LOC128462377: variants seen among roughly 807,000 people sequenced by gnomAD.
At chr16:89,361,024 CA>C in the LOC128462377 span, among the ~76,000 whole-genome samples, 20 of 152,308 alleles carry the variant, frequency 1.3e-4, no homozygotes, top group African/African-American at 4.8e-4. Flanking sequence ...TGAACGACTC[CA>C]AACCTGGGCA....
At chr16:89,352,712 C>T in the LOC128462377 span, among the ~76,000 whole-genome samples, 1 of 152,226 alleles carries the variant, frequency 6.6e-6, no homozygotes. Context: ...TTATTGAAGC[C>T]TCAGCTGGGT....
chr16:89,384,447 G>A, the LOC128462377 span, among the ~76,000 whole-genome samples: 5 of 152,184 alleles, frequency 3.3e-5, no homozygotes, highest in South Asian at 2.1e-4. Flanking sequence ...AGAGCAGAAC[G>A]GGATGGGATG....
At chr16:89,397,189 C>T in the LOC128462377 span, among the ~76,000 whole-genome samples, 4 of 152,160 alleles carry the variant, frequency 2.6e-5, no homozygotes, top group African/African-American at 7.2e-5. Flanking sequence ...CCACGTCCAA[C>T]GGCGTCTCAC....
chr16:89,385,430 A>G, the LOC128462377 span, among the ~76,000 whole-genome samples: 1 of 152,162 alleles, frequency 6.6e-6, no homozygotes, highest in African/African-American at 2.4e-5. Flanking sequence ...GACCCAGCAG[A>G]CAGAAATGGT....
chr16:89,378,549 C>G, the LOC128462377 span, among the ~76,000 whole-genome samples: 1 of 152,180 alleles, frequency 6.6e-6, no homozygotes, highest in African/African-American at 2.4e-5. Context: ...TGCTATAAGG[C>G]TACAGATACA....
chr16:89,391,917 C>T, the LOC128462377 span, among the ~76,000 whole-genome samples: 19 of 152,298 alleles, frequency 1.2e-4, no homozygotes, highest in African/African-American at 3.9e-4. Context: ...AAATATCTGC[C>T]CTGGCATGCT....
chr16:89,385,943 A>C, the LOC128462377 span, among the ~76,000 whole-genome samples: 1 of 152,250 alleles, frequency 6.6e-6, no homozygotes, highest in Non-Finnish European at 1.5e-5. Flanking sequence ...TGCCAAACTT[A>C]GCACACAGCG....
At chr16:89,324,743 A>G in the LOC128462377 span, 1 of 322,730 alleles carries the variant, frequency 3.1e-6, no homozygotes, top group South Asian at 2.4e-5. Flanking sequence ...GTGGTTTGCC[A>G]GGGGTTCTTG....
chr16:89,353,350 AAGAGAGAGAGAG>A, the LOC128462377 span, among the ~76,000 whole-genome samples: 700 of 149,558 alleles, frequency 4.7e-3, 4 homozygotes, highest in African/African-American at 0.016. Flanking sequence ...TCCAAAAAAA[AAGAGAGAGAGAG>A]AGAGAGAGAG....
At chr16:89,327,019 G>C in the LOC128462377 span, among the ~76,000 whole-genome samples, 5 of 151,650 alleles carry the variant, frequency 3.3e-5, no homozygotes, top group Non-Finnish European at 5.9e-5. Context: ...GAATGCAGAG[G>C]TGGGGAATGC....
the LOC128462377 span, among the ~76,000 whole-genome samples, chr16:89,364,914 T>C: frequency 1.3e-5 from 2 of 152,256 alleles, no homozygotes; most frequent in Non-Finnish European, 2.9e-5. Flanking sequence ...GAATGCTGAA[T>C]ACCTGTGAGA....
chr16:89,416,939 C>CT, the LOC128462377 span, among the ~76,000 whole-genome samples: 128 of 152,212 alleles, frequency 8.4e-4, no homozygotes, highest in African/African-American at 2.9e-3. Flanking sequence ...CATGGCACCC[C>CT]TTTTATCACA....
At chr16:89,338,205 T>G in the LOC128462377 span, among the ~76,000 whole-genome samples, 1 of 151,358 alleles carries the variant, frequency 6.6e-6, no homozygotes, top group African/African-American at 2.4e-5. Flanking sequence ...TGCCGGGGGG[T>G]GGGACCTCTG....
chr16:89,388,295 T>C, the LOC128462377 span, among the ~76,000 whole-genome samples: 10 of 121,802 alleles, frequency 8.2e-5, no homozygotes, highest in East Asian at 2.0e-3. Flanking sequence ...TGAGGCTGAT[T>C]TTTTTTTTTT....
the LOC128462377 span, among the ~76,000 whole-genome samples, chr16:89,372,165 G>A: frequency 1.3e-5 from 2 of 152,316 alleles, no homozygotes; most frequent in South Asian, 2.1e-4. Context: ...AAGGACCGGC[G>A]CCCACTCCCA....
the LOC128462377 span, among the ~76,000 whole-genome samples, chr16:89,415,430 A>G: frequency 3.3e-5 from 5 of 150,132 alleles, no homozygotes; most frequent in African/African-American, 1.2e-4. Flanking sequence ...ATGCCCGGCT[A>G]ATTTTTTGTA....
the LOC128462377 span, among the ~76,000 whole-genome samples, chr16:89,376,219 A>G: frequency 5.6e-4 from 86 of 152,348 alleles, 3 homozygotes; most frequent in Admixed American, 5.4e-3. Flanking sequence ...CTGATTCCAG[A>G]AAAGTGAAGC....
chr16:89,336,063 C>T, the LOC128462377 span, among the ~76,000 whole-genome samples: 1 of 152,224 alleles, frequency 6.6e-6, no homozygotes, highest in Non-Finnish European at 1.5e-5. Context: ...ACTATTCCTG[C>T]CAGTTGGTTT....
chr16:89,386,355 C>A, the LOC128462377 span, among the ~76,000 whole-genome samples: 1 of 152,126 alleles, frequency 6.6e-6, no homozygotes, highest in African/African-American at 2.4e-5. Context: ...CAATTCCCAA[C>A]GTTACTCGTG....
Sources: allele counts gnomAD v4.1 joint callset (sites outside exome capture counted in the v4.1 genomes callset), GRCh38; gene constraint gnomAD v4.1.1; transcripts MANE v1.5.